Variants in ARHGAP39 observed in about 807,000 individuals in gnomAD.
ARHGAP39 encodes rho GTPase-activating protein 39.
ARHGAP39 carries 44 observed loss-of-function variants against 106.9 expected under a neutral mutation model. The observed-to-expected ratio is 0.41, with a 90% CI of 0.32 to 0.53. The LOEUF (loss-of-function observed/expected upper bound fraction) is 0.53. Among genes scored for constraint, ARHGAP39 ranks in the 20% least tolerant of loss-of-function variants. The pLI, the probability that ARHGAP39 is intolerant of heterozygous loss-of-function variation, is 0.21. For missense variants in ARHGAP39, 1,496 were observed against 1,577.3 expected (o/e 0.95, Z 0.87); for synonymous variants, 768 against 693.2 (o/e 1.11, Z -1.69).
the ARHGAP39 span, among the ~76,000 whole-genome samples, chr8:144,694,902 A>G: frequency 6.6e-6 from 1 of 152,044 alleles, no homozygotes; most frequent in Admixed American, 6.6e-5. Flanking sequence ...ACAGAGTACA[A>G]TCGATCAGCA....
intron 2 of ARHGAP39, among the ~76,000 whole-genome samples, chr8:144,587,802 G>A (rs111543315): frequency 2.6e-5 from 4 of 152,074 alleles, no homozygotes; most frequent in Non-Finnish European, 5.9e-5. Context: ...TTACAGGCAC[G>A]TGCCACCACG....
In ARHGAP39 at chr8:144,671,830, G is replaced by A. The variant is rs1408661435; in HGVS notation, c.-82+13856C>T. Among the ~76,000 whole-genome samples, 2 of 152,214 alleles carry A rather than the reference G, an allele frequency of 1.3e-5. No homozygotes were observed. Among genetic ancestry groups the A allele is most frequent in the African/African-American group, 4.8e-5 (2 of 41,450 alleles). ...GCCTGGTCTGTCTCCTCCCTGTCGG[G>A]GGTATCTGACTGGCAAGTGGCTGGC... is the stretch of plus-strand genomic sequence containing the variant. On this transcript the variant is annotated intron_variant, in intron 1 of 11. Transcript: ENST00000377307. The surrounding 1 kb of genome is among the most constrained non-coding windows in gnomAD (Gnocchi z 4.5).
chr8:144,540,796 T>TG (rs1431039173), intron 6 of ARHGAP39, among the ~76,000 whole-genome samples: 4 of 150,940 alleles, frequency 2.7e-5, no homozygotes, highest in African/African-American at 9.8e-5. Context: ...AGAACCTGTC[T>TG]GGAAAAAAAA....
intron 3 of ARHGAP39, among the ~76,000 whole-genome samples, chr8:144,575,701 A>G (rs1247164611): frequency 1.3e-5 from 2 of 152,100 alleles, no homozygotes; most frequent in Non-Finnish European, 2.9e-5. Flanking sequence ...ACGCTAAATG[A>G]TAAAAACTAT....
chr8:144,581,830 C>A (rs747203315), intron 2 of ARHGAP39, among the ~76,000 whole-genome samples: 3 of 152,166 alleles, frequency 2.0e-5, no homozygotes, highest in Admixed American at 2.0e-4. Flanking sequence ...GAGTCTCCAC[C>A]CGGCCCTCAG....
intron 3 of ARHGAP39, among the ~76,000 whole-genome samples, chr8:144,569,085 CAAAA>C (rs1013132863): frequency 2.0e-5 from 3 of 152,012 alleles, no homozygotes; most frequent in Non-Finnish European, 2.9e-5. Context: ...ACAATAAAGA[CAAAA>C]GAATAGGTAA....
chr8:144,545,756 C>G lies in ARHGAP39; in HGVS notation c.2014G>C (p.Gly672Arg). The G allele has an allele frequency of 6.2e-7, 1 of 1,606,426 alleles. No individual in the cohort carries two copies. Among genetic ancestry groups the G allele is most frequent in the East Asian group, 2.2e-5 (1 of 44,730 alleles). Residue 672 changes from glycine (G) to arginine (R), a missense_variant, in exon 6 of 12, where the codon GGC becomes CGC. Gly to Arg is a moderately radical substitution (Grantham distance 125). Around this residue, in one of 4 missense-constraint regions of ARHGAP39, gnomAD observed 905 missense variants for 816.4 expected, o/e 1.11. Transcript: ENST00000377307. ...QFESSRQSRS[G>R]VPSSSCVFPT... ...AAGACGCAGCTGGAGCTGGGAACGC[C>G]GCTGCGGCTCTGCCGGCTGCTCTCG...
intron 8 of ARHGAP39, 149 bp downstream of exon 8, chr8:144,533,980 G>T: frequency 1.2e-6 from 1 of 852,852 alleles, no homozygotes; most frequent in Non-Finnish European, 1.8e-6. Context: ...GGTCAGCCTA[G>T]CGTACCCCGC....
intron 2 of ARHGAP39, among the ~76,000 whole-genome samples, chr8:144,594,694 CAAA>C (rs56889764): frequency 5.0e-5 from 4 of 80,300 alleles, no homozygotes; most frequent in African/African-American, 8.3e-5. Flanking sequence ...AACGCCACCT[CAAA>C]AAAAAAAAAA....
At chr8:144,686,075 C>G (rs1035051576), upstream of ARHGAP39, among the ~76,000 whole-genome samples, 1 of 152,002 alleles carries the variant, frequency 6.6e-6, no homozygotes, top group Admixed American at 6.5e-5. Context: ...CGGACCTACC[C>G]TGTGAGTTAG....
chr8:144,678,252 C>A (rs1822294955), intron 1 of ARHGAP39, among the ~76,000 whole-genome samples: 1 of 151,836 alleles, frequency 6.6e-6, no homozygotes, highest in Non-Finnish European at 1.5e-5. Context: ...CCTGGACAAC[C>A]CACCCTGACT....
At chr8:144,561,975 C>T (rs1818190695) in intron 3 of ARHGAP39, among the ~76,000 whole-genome samples, 1 of 151,498 alleles carries the variant, frequency 6.6e-6, no homozygotes, top group Non-Finnish European at 1.5e-5. Context: ...CCAGTGGTTT[C>T]CATCGGACCC....
chr8:144,630,948 G>A (rs892838246), intron 1 of ARHGAP39, among the ~76,000 whole-genome samples: 6 of 152,388 alleles, frequency 3.9e-5, no homozygotes, highest in Non-Finnish European at 8.8e-5. Flanking sequence ...GTTGCCTCAC[G>A]GTTCTGCAGG....
At position 144,545,345 on chromosome 8, in the gene ARHGAP39, C is replaced by T. The variant is rs1199730091; in HGVS notation, c.2425G>A (p.Ala809Thr). The T allele has an allele frequency of 1.9e-6, 3 of 1,600,458 alleles. No individual in the cohort carries two copies. The highest frequency in any genetic ancestry group is 2.6e-6 in the Non-Finnish European group (3 of 1,170,962). Residue 809 changes from alanine to threonine, a missense_variant, in exon 6 of 12, where the codon GCC becomes ACC. Ala to Thr is a moderately conservative substitution (Grantham distance 58). Around this residue, in one of 4 missense-constraint regions of ARHGAP39, gnomAD observed 470 missense variants for 605.1 expected, o/e 0.78. Transcript: ENST00000377307. Reference protein sequence around the residue: ...ESLARGWELMAICLAFFPPTP... With the variant: ...ESLARGWELMTICLAFFPPTP... ...GGCGGGAAAAAGGCCAGGCAGATGG[C>T]CATGAGCTCCCAGCCGCGGGCCAGG...
intron 1 of ARHGAP39, among the ~76,000 whole-genome samples, chr8:144,623,419 A>T (rs1820854482): frequency 6.6e-6 from 1 of 152,248 alleles, no homozygotes; most frequent in East Asian, 1.9e-4. Flanking sequence ...GTAAAGATCT[A>T]TACCAAACAC....
rs1822081163 is a variant in ARHGAP39, at chr8:144,670,766, T to A, written c.-82+14920A>T. Reference sequence around the variant, plus strand: ...TGCTAGATTTGCTGTCACAGCCTCATCCCCGTCCTTCAGACCACACACCGC... The same window carrying A: ...TGCTAGATTTGCTGTCACAGCCTCAACCCCGTCCTTCAGACCACACACCGC... On this transcript the variant is annotated intron_variant, in intron 1 of 11. Coordinates refer to ENST00000377307, the MANE Select transcript of ARHGAP39 (RefSeq NM_025251.3). The surrounding 1 kb of genome is among the most constrained non-coding windows in gnomAD (Gnocchi z 4.4). Among the ~76,000 whole-genome samples the A allele has an allele frequency of 6.6e-6, 1 of 152,150 alleles. No individual in the cohort carries two copies. The highest frequency in any genetic ancestry group is 2.4e-5 in the African/African-American group (1 of 41,436).
Position 144,548,565 on chromosome 8 carries a change from T to C in ARHGAP39, c.597-76A>G. 1 of 1,516,562 alleles carries C rather than the reference T, an allele frequency of 6.6e-7. No individual in the cohort carries two copies. Among genetic ancestry groups the C allele is most frequent in the Non-Finnish European group, 8.8e-7 (1 of 1,134,324 alleles). 93.9% of individuals were successfully genotyped at this position (1,516,562 alleles called of 1,614,324 possible). A position where few individuals can be genotyped will look rare whatever the true frequency, so the allele number is the denominator to read the frequency against. ...GCACGCCCCACCCCCTCGGGGGCTG[T>C]AGGCAGCGGCTCCCGCGAACCCTCT... On this transcript the variant is annotated intron_variant, in intron 4 of 11. Coordinates refer to ENST00000377307, the MANE Select transcript of ARHGAP39 (RefSeq NM_025251.3). This position sits in a 1 kb window ranked among gnomAD's most constrained non-coding sequence, Gnocchi z 7.4.
At chr8:144,595,839 G>T (rs1222022230) in intron 2 of ARHGAP39, among the ~76,000 whole-genome samples, 2 of 152,132 alleles carry the variant, frequency 1.3e-5, no homozygotes, top group African/African-American at 4.8e-5. Flanking sequence ...CTCTGCCAGG[G>T]GCGCCAGTGT....
At chr8:144,676,062 G>A (rs1174534840) in intron 1 of ARHGAP39, among the ~76,000 whole-genome samples, 5 of 152,186 alleles carry the variant, frequency 3.3e-5, no homozygotes, top group African/African-American at 4.8e-5. Context: ...TCATAAAGGC[G>A]GCGCGGACCC....
Sources: allele counts gnomAD v4.1 joint callset (sites outside exome capture counted in the v4.1 genomes callset), GRCh38; gene constraint gnomAD v4.1.1; regional missense constraint gnomAD v4.1.1; non-coding constraint Gnocchi (gnomAD v3.1); transcripts MANE v1.5; gene names NCBI Gene and HGNC (gene_info 2026-07-23, HGNC 2026-07-21).